The following ATP13A4 variants were observed in gnomAD, a reference collection of about 807,000 sequenced individuals.
ATP13A4 encodes the protein probable cation-transporting ATPase 13A4.
ATP13A4 carries 114 observed loss-of-function variants against 142.5 expected under a neutral mutation model. The observed-to-expected ratio is 0.80, with a 90% CI of 0.69 to 0.93. The LOEUF (loss-of-function observed/expected upper bound fraction) is 0.93. ATP13A4 is among the 40% of genes least tolerant of loss of function. The pLI is 0.00. For missense variants in ATP13A4, 1,392 were observed against 1,454.0 expected (o/e 0.96, Z 0.69); for synonymous variants, 488 against 514.8 (o/e 0.95, Z 0.70).
chr3:193,555,810 C>A (rs1410723375), upstream of ATP13A4, among the ~76,000 whole-genome samples: 1 of 152,260 alleles, frequency 6.6e-6, no homozygotes, highest in East Asian at 1.9e-4. Context: ...GAAACACACC[C>A]CTACCCTAGC....
Position 193,449,706 on chromosome 3 carries a change from G to C in ATP13A4, c.2028-1376C>G, listed in dbSNP as rs116489451. Among the ~76,000 whole-genome samples the C allele has an allele frequency of 4.4e-3, 664 of 152,282 alleles. 9 individuals carry two copies. The highest frequency in any genetic ancestry group is 0.015 in the African/African-American group (615 of 41,574). ...CTCTAGACATTTGCTTTAGACTGCTGTAAGACATTTGTCCTTACTTCATAG... is the reference window on the plus strand; with the variant it reads ...CTCTAGACATTTGCTTTAGACTGCTCTAAGACATTTGTCCTTACTTCATAG... On this transcript the variant is annotated intron_variant, in intron 17 of 29. Coordinates refer to ENST00000342695, the MANE Select transcript of ATP13A4 (RefSeq NM_032279.4).
chr3:193,466,247 C>A, intron 10 of ATP13A4, 65 bp from the exon 11 acceptor site: 1 of 1,581,578 alleles, frequency 6.3e-7, no homozygotes. Context: ...TCTTCCAAAC[C>A]TCAACACTGC....
upstream of ATP13A4, among the ~76,000 whole-genome samples, chr3:193,559,757 T>C (rs1461448447): frequency 6.6e-6 from 1 of 152,184 alleles, no homozygotes; most frequent in African/African-American, 2.4e-5. Context: ...GGGTGGCCTG[T>C]TGTTTCCCTT....
At chr3:193,517,838 C>G (rs1279977891) in intron 1 of ATP13A4, among the ~76,000 whole-genome samples, 1 of 152,144 alleles carries the variant, frequency 6.6e-6, no homozygotes, top group African/African-American at 2.4e-5. Context: ...ATCTGGACAC[C>G]TATTAAAATC....
intron 1 of ATP13A4, among the ~76,000 whole-genome samples, chr3:193,527,975 A>C (rs773802527): frequency 6.6e-6 from 1 of 152,156 alleles, no homozygotes; most frequent in Non-Finnish European, 1.5e-5. Context: ...GACAGCTTGC[A>C]ACCCCCTTAC....
At chr3:193,450,012 G>A (rs1717182774) in intron 17 of ATP13A4, among the ~76,000 whole-genome samples, 2 of 151,918 alleles carry the variant, frequency 1.3e-5, no homozygotes, top group South Asian at 2.1e-4. Flanking sequence ...CCAGCTACTC[G>A]GGAGGCTGAG....
At chr3:193,467,020 A>G (rs964655945) in intron 10 of ATP13A4, among the ~76,000 whole-genome samples, 4 of 152,152 alleles carry the variant, frequency 2.6e-5, no homozygotes, top group African/African-American at 7.2e-5. Context: ...TTAATTATAT[A>G]TTTTTAAATA....
intron 13 of ATP13A4, 92 bp from the exon 14 acceptor site, chr3:193,459,323 A>G: frequency 6.8e-7 from 1 of 1,479,812 alleles, no homozygotes. Context: ...TAAAAAAATA[A>G]TTTAATATGC....
chr3:193,491,407 A>G lies in ATP13A4; in HGVS notation c.534-9T>C. 1 of 1,538,826 alleles carries G rather than the reference A, an allele frequency of 6.5e-7. No homozygotes were observed. ...GCCCACATATTAACCTCCTATAGAA[A>G]GAAATCACAGATCACTCTGTCACAA... On this transcript the variant is annotated splice_polypyrimidine_tract_variant and intron_variant, in intron 5 of 29. Coordinates refer to ENST00000342695, the MANE Select transcript of ATP13A4 (RefSeq NM_032279.4).
At chr3:193,474,704 A>G (rs1370293243) in intron 8 of ATP13A4, among the ~76,000 whole-genome samples, 2 of 137,706 alleles carry the variant, frequency 1.5e-5, no homozygotes, top group Admixed American at 7.4e-5. Context: ...GAAAAAAGGA[A>G]GGAAGGAAAG....
chr3:193,502,173 A>G (rs1322193090), intron 3 of ATP13A4, among the ~76,000 whole-genome samples: 2 of 152,228 alleles, frequency 1.3e-5, no homozygotes, highest in Non-Finnish European at 2.9e-5. Flanking sequence ...GCGAGTATGT[A>G]TTGAGCATCT....
rs753433357 is a variant in ATP13A4 at position 193,414,767 on chromosome 3, A to T, written c.2843-17T>A. Reference sequence around the variant, plus strand: ...TCAGATTCACTATAAAATAAATTCGAATTTTATATTTATGAGAGCAGGAAA... The same window carrying T: ...TCAGATTCACTATAAAATAAATTCGTATTTTATATTTATGAGAGCAGGAAA... On this transcript the variant is annotated splice_polypyrimidine_tract_variant and intron_variant, in intron 25 of 29. Coordinates refer to ENST00000342695, the MANE Select transcript of ATP13A4 (RefSeq NM_032279.4). 1 of 1,612,240 alleles carries T rather than the reference A, an allele frequency of 6.2e-7. No individual in the cohort carries two copies. Among genetic ancestry groups the T allele is most frequent in the Non-Finnish European group, 8.5e-7 (1 of 1,178,556 alleles).
chr3:193,570,858 T>C (rs924123531), intron 2 of ATP13A4, among the ~76,000 whole-genome samples: 2 of 152,192 alleles, frequency 1.3e-5, no homozygotes, highest in Non-Finnish European at 2.9e-5. Context: ...GTTGCTAATA[T>C]TAAATGAGAT....
rs374300265 is a variant in ATP13A4 at position 193,483,958 on chromosome 3, C to T, written c.786G>A (p.Thr262=). ...HHLVESHNSI[T]VSVCGRKAGV... is the part of the protein sequence containing the mutation. ...TACCTTTTCTCCCACATACAGAGAC[C>T]GTAATGCTATTATGTGACTCGACGA... Residue 262 remains threonine, a synonymous_variant, in exon 8 of 30, where the codon ACG becomes ACA. Transcript: ENST00000342695. 6.3e-5 allele frequency: 101 copies of T among 1,607,418 alleles called. No individual in the cohort carries two copies. Among genetic ancestry groups the T allele is most frequent in the East Asian group, 4.9e-4 (22 of 44,798 alleles).
At chr3:193,411,155 C>T (rs1714746929) in intron 27 of ATP13A4, 85 bp from the exon 28 acceptor site, 3 of 916,238 alleles carry the variant, frequency 3.3e-6, no homozygotes, top group Admixed American at 3.5e-5. Context: ...TCTAGATTAA[C>T]ACTGATTTAA....
At chr3:193,456,891 C>T (rs1717645592) in intron 16 of ATP13A4, 109 bp downstream of exon 16, 4 of 1,336,928 alleles carry the variant, frequency 3.0e-6, no homozygotes, top group Admixed American at 4.0e-5. Context: ...AGTGAGCCAC[C>T]CAATTGGTGA....
intron 25 of ATP13A4, among the ~76,000 whole-genome samples, chr3:193,431,603 ATGTGTGTG>A (rs139137306): frequency 6.8e-6 from 1 of 147,064 alleles, no homozygotes; most frequent in Admixed American, 6.9e-5. Flanking sequence ...CTATATATGC[ATGTGTGTG>A]TGTGTGTGTG....
intron 1 of ATP13A4, among the ~76,000 whole-genome samples, chr3:193,525,360 C>CA (rs1294806530): frequency 6.6e-6 from 1 of 152,136 alleles, no homozygotes; most frequent in East Asian, 1.9e-4. Context: ...GATCTCCTTC[C>CA]AAAATCACAC....
intron 17 of ATP13A4, among the ~76,000 whole-genome samples, chr3:193,451,079 G>A (rs1717248041): frequency 6.6e-6 from 1 of 152,142 alleles, no homozygotes; most frequent in African/African-American, 2.4e-5. Context: ...CTGTAGGTGA[G>A]CCCCTAATAA....
Sources: gnomAD v4.1 joint callset for allele counts (sites outside exome capture counted in the v4.1 genomes callset) on GRCh38, gnomAD v4.1.1 for gene constraint, MANE v1.5 for transcripts, NCBI Gene and HGNC (gene_info 2026-07-23, HGNC 2026-07-21) for gene names.